Variants in SULF2 observed in about 807,000 individuals in gnomAD.
SULF2 encodes the protein extracellular sulfatase Sulf-2.
A neutral mutation model predicts 107.7 loss-of-function variants in SULF2; 52 were observed. The ratio of observed to expected loss-of-function variants is 0.48; its 90% CI spans 0.39 to 0.61. The LOEUF (loss-of-function observed/expected upper bound fraction) is 0.61. SULF2 is among the 20% of genes least tolerant of loss of function. The probability of loss-of-function intolerance (pLI) is 0.00; values close to 1 mark genes in which losing one functional copy is unlikely to be tolerated. For synonymous variants in SULF2, 460 were observed against 464.3 expected (o/e 0.99, Z 0.12); for missense variants, 993 against 1,177.3 (o/e 0.84, Z 2.29).
intron 2 of SULF2, among the ~76,000 whole-genome samples, chr20:47,752,506 G>T (rs2090179212): frequency 6.6e-6 from 1 of 151,456 alleles, no homozygotes. Context: ...AATGGGGGGC[G>T]GATTGTTTGA....
chr20:47,665,442 G>C, intron 13 of SULF2, 149 bp from the exon 14 acceptor site: 19 of 666,592 alleles, frequency 2.9e-5, no homozygotes, highest in Non-Finnish European at 3.0e-5. Flanking sequence ...GGCATGTCTG[G>C]GTGGGGAGGA....
At chr20:47,770,798 G>A (rs763833377) in intron 1 of SULF2, among the ~76,000 whole-genome samples, 3 of 152,154 alleles carry the variant, frequency 2.0e-5, no homozygotes, top group Non-Finnish European at 4.4e-5. Context: ...CCTCCATGTG[G>A]CCTCAGTGTG....
At position 47,746,993 on chromosome 20, in the gene SULF2, AAATATAT is replaced by A. The variant is rs1198760660; in HGVS notation, c.176-10058_176-10052del. 7.6e-4 allele frequency among the ~76,000 whole-genome samples: 80 copies of A among 104,970 alleles called. 1 individual carries two copies. The highest frequency in any genetic ancestry group is 3.1e-3 in the African/African-American group (76 of 24,634). 68.9% of individuals were successfully genotyped at this position (104,970 alleles called of 152,430 possible). ...AGAACTTAAATAAATAAAAAAAAAA[AAATATAT>A]ATATATATATATATATATACACACA... On this transcript the variant is annotated intron_variant, in intron 2 of 20. Transcript: ENST00000688720.
At chr20:47,672,660 C>CA in intron 10 of SULF2, 1 of 560,380 alleles carries the variant, frequency 1.8e-6, no homozygotes, top group South Asian at 7.8e-5. Context: ...AAAATCCACC[C>CA]ACATGGCAGC....
chr20:47,775,523 C>A (rs1217314015), intron 1 of SULF2, among the ~76,000 whole-genome samples: 1 of 152,178 alleles, frequency 6.6e-6, no homozygotes, highest in Non-Finnish European at 1.5e-5. Context: ...GAAACACAAC[C>A]CAAGAATCCT....
At chr20:47,756,479 G>C (rs1430783615) in intron 2 of SULF2, among the ~76,000 whole-genome samples, 1 of 152,164 alleles carries the variant, frequency 6.6e-6, no homozygotes, top group African/African-American at 2.4e-5. Context: ...AATTCAGGTT[G>C]TCAAGGCTAA....
At chr20:47,683,246 T>A in intron 6 of SULF2, 77 bp from the exon 7 acceptor site, 1 of 1,437,346 alleles carries the variant, frequency 7.0e-7, no homozygotes, top group Non-Finnish European at 9.4e-7. Flanking sequence ...TGACAGGCGC[T>A]TGAGATCTCA....
chr20:47,728,155 AG>A (rs2089496271), intron 3 of SULF2, among the ~76,000 whole-genome samples: 1 of 152,002 alleles, frequency 6.6e-6, no homozygotes, highest in Admixed American at 6.5e-5. Context: ...CAGGCCGGAG[AG>A]GGGGAGGGAA....
chr20:47,785,127 C>T (rs891493792), intron 1 of SULF2, among the ~76,000 whole-genome samples: 1 of 151,956 alleles, frequency 6.6e-6, no homozygotes, highest in Non-Finnish European at 1.5e-5. Flanking sequence ...CAGGTCATCC[C>T]TCTGCGGACG....
At chr20:47,700,645 T>TTC (rs1223017356) in intron 4 of SULF2, among the ~76,000 whole-genome samples, 14 of 150,246 alleles carry the variant, frequency 9.3e-5, no homozygotes, top group Admixed American at 2.7e-4. Flanking sequence ...ATCTTTTTTT[T>TTC]TTTTTTTTTT....
intron 1 of SULF2, among the ~76,000 whole-genome samples, chr20:47,776,742 T>C (rs113804797): frequency 0.011 from 1,633 of 152,280 alleles, 32 homozygotes; most frequent in African/African-American, 0.037. Context: ...GTCCCTGCCG[T>C]GGCATAAAGG....
intron 15 of SULF2, 56 bp downstream of exon 15, chr20:47,664,074 C>T: frequency 6.4e-7 from 1 of 1,566,992 alleles, no homozygotes. Context: ...TAAGGGAGGG[C>T]CACCTCCTCA....
rs1006783551 is a variant in SULF2 at position 47,758,037 on chromosome 20, G to A, written c.-100-574C>T. Among the ~76,000 whole-genome samples, 5 of 152,228 alleles carry A rather than the reference G, an allele frequency of 3.3e-5. No homozygotes were observed. In the South Asian group the frequency reaches 6.2e-4, roughly 19 times the overall value. ...GCTCAGTTTTCCCGTGAGCAAGCCC[G>A]TTTGGAACCTCGGTTTCCCCATGAA... On this transcript the variant is annotated intron_variant, in intron 1 of 20. Coordinates refer to ENST00000688720, the MANE Select transcript of SULF2 (RefSeq NM_001387048.1).
intron 3 of SULF2, among the ~76,000 whole-genome samples, chr20:47,710,460 G>A (rs1230657583): frequency 6.6e-6 from 1 of 151,842 alleles, no homozygotes; most frequent in Non-Finnish European, 1.5e-5. Context: ...TGTAGCCTAG[G>A]AGTAATAGGT....
At chr20:47,764,530 G>A (rs959944119) in intron 1 of SULF2, among the ~76,000 whole-genome samples, 1 of 152,218 alleles carries the variant, frequency 6.6e-6, no homozygotes, top group Middle Eastern at 3.2e-3. Flanking sequence ...TAGCTTCAGC[G>A]ATTGGTCCTG....
Position 47,722,758 on chromosome 20 carries a change from C to A in SULF2, c.415+13945G>T, listed in dbSNP as rs190195002. On this transcript the variant is annotated intron_variant, in intron 3 of 20. Transcript: ENST00000688720. ...ACCAGCCTGGCCAATATGGTGAAAC[C>A]CTGTCTCTACTAAAGTACAAAAATT... is the stretch of plus-strand genomic sequence containing the variant. Among the ~76,000 whole-genome samples the A allele has an allele frequency of 7.2e-5, 11 of 152,094 alleles. 1 individual carries two copies. In the East Asian group the frequency reaches 2.1e-3, roughly 30 times the overall value.
chr20:47,705,070 G>A (rs1357906348), intron 3 of SULF2, among the ~76,000 whole-genome samples: 1 of 152,214 alleles, frequency 6.6e-6, no homozygotes, highest in Non-Finnish European at 1.5e-5. Flanking sequence ...AACCCAAGCG[G>A]CTGGATTCTG....
intron 16 of SULF2, 39 bp from the exon 17 acceptor site, chr20:47,663,251 G>A (rs373964955): frequency 1.9e-6 from 3 of 1,611,358 alleles, no homozygotes; most frequent in African/African-American, 2.7e-5. Context: ...GTGCCTGCGG[G>A]AGGAGGCCCC....
At chr20:47,717,813 A>AT (rs11484145) in intron 3 of SULF2, among the ~76,000 whole-genome samples, 25,189 of 135,380 alleles carry the variant, frequency 0.19, 2,498 homozygotes, top group South Asian at 0.26. Flanking sequence ...TTCAGAGATA[A>AT]TTTTTTTTTT....
Sources: allele counts gnomAD v4.1 joint callset (sites outside exome capture counted in the v4.1 genomes callset), GRCh38; gene constraint gnomAD v4.1.1; transcripts MANE v1.5; gene names NCBI Gene and HGNC (gene_info 2026-07-23, HGNC 2026-07-21).